CCDC148: variants seen among roughly 807,000 people sequenced by gnomAD.
The protein encoded by CCDC148 is coiled-coil domain containing 148.
Under a neutral mutation model 85.7 loss-of-function variants are expected in CCDC148, and 89 were observed. The observed-to-expected ratio is 1.04, with a 90% CI of 0.87 to 1.24. The LOEUF (loss-of-function observed/expected upper bound fraction) is 1.24. CCDC148 is among the 50% of genes most tolerant of loss of function. The pLI is 0.00. For synonymous variants in CCDC148, 230 were observed against 213.9 expected, an observed-to-expected ratio of 1.08 and a Z score of -0.66; for missense variants, 692 against 671.7, an observed-to-expected ratio of 1.03 and a Z score of -0.33.
At chr2:158,349,274 G>T (rs1489300655) in intron 2 of CCDC148, among the ~76,000 whole-genome samples, 1 of 151,890 alleles carries the variant, frequency 6.6e-6, no homozygotes, top group Admixed American at 6.6e-5. Context: ...GAAAAGTGCT[G>T]TAATAATTAA....
At chr2:158,400,230 A>C (rs186540291) in intron 1 of CCDC148, among the ~76,000 whole-genome samples, 34 of 152,274 alleles carry the variant, frequency 2.2e-4, no homozygotes, top group Admixed American at 1.2e-3. Flanking sequence ...TATGAAACCA[A>C]AAAAGAGCCC....
chr2:158,201,259 A>G (rs1685939814), intron 11 of CCDC148, among the ~76,000 whole-genome samples: 1 of 152,158 alleles, frequency 6.6e-6, no homozygotes, highest in Non-Finnish European at 1.5e-5. Flanking sequence ...TAATATTAAT[A>G]TGTCAATTTA....
At chr2:158,310,959 G>A (rs878877160) in intron 8 of CCDC148, among the ~76,000 whole-genome samples, 10 of 151,530 alleles carry the variant, frequency 6.6e-5, no homozygotes, top group East Asian at 2.0e-4. Context: ...ACAGTGTGGC[G>A]GCCGGGAAGA....
At chr2:158,210,267 C>A (rs1393514489) in intron 11 of CCDC148, among the ~76,000 whole-genome samples, 1 of 152,084 alleles carries the variant, frequency 6.6e-6, no homozygotes, top group African/African-American at 2.4e-5. Context: ...GCGAGCTATC[C>A]TAAATATATA....
At chr2:158,294,035 T>C (rs1574565395) in intron 9 of CCDC148, among the ~76,000 whole-genome samples, 1 of 100,478 alleles carries the variant, frequency 1.0e-5, no homozygotes, top group Non-Finnish European at 1.9e-5. Context: ...CTTCCTTCCT[T>C]CCTTCCTTCC....
In CCDC148 at chr2:158,172,183, T is replaced by C. The variant is rs764790714; in HGVS notation, c.1706A>G (p.Glu569Gly). Reference sequence around the variant, plus strand: ...TTGAGGACTAATTTTTGGTAATATCTCTTTAGCATAAAGTGTTCTATGAAG... The same window carrying C: ...TTGAGGACTAATTTTTGGTAATATCCCTTTAGCATAAAGTGTTCTATGAAG... ...AGLHRTLYAK[E>G]ILPKISPQKP... The change falls in exon 14 of 14, where the codon GAG (glutamate) becomes GGG (glycine). Residue 569 changes from glutamate to glycine, a missense_variant. Physicochemically the swap from Glu to Gly is moderately conservative, Grantham distance 98. Coordinates refer to ENST00000283233, the MANE Select transcript of CCDC148 (RefSeq NM_138803.4). 2.5e-6 allele frequency: 4 copies of C among 1,610,294 alleles called. No individual in the cohort carries two copies. Among genetic ancestry groups the C allele is most frequent in the Non-Finnish European group, 3.4e-6 (4 of 1,177,614 alleles).
chr2:158,220,230 C>T (rs1165920649), intron 11 of CCDC148, among the ~76,000 whole-genome samples: 2 of 152,172 alleles, frequency 1.3e-5, no homozygotes, highest in East Asian at 1.9e-4. Context: ...CCCCAGCCTC[C>T]GTCACAGTAA....
At chr2:158,286,072 C>A (rs1024721077) in intron 9 of CCDC148, among the ~76,000 whole-genome samples, 1 of 152,008 alleles carries the variant, frequency 6.6e-6, no homozygotes, top group Admixed American at 6.6e-5. Context: ...TATTAGAATT[C>A]ATAGTACTCA....
At position 158,340,362 on chromosome 2, in the gene CCDC148, A is replaced by G; in HGVS notation, c.366T>C (p.Tyr122=). 4 of 1,613,962 alleles carry G rather than the reference A, an allele frequency of 2.5e-6. No homozygotes were observed. The highest frequency in any genetic ancestry group is 3.3e-4 in the Middle Eastern group (2 of 6,056). ...EQELSEQQCT[Y]LKNVINPIQQ... ...GAATAGGATTTATTACATTTTTAAG[A>G]TATGTGCACTGTTGTTCTGATAGCT... Residue 122 remains tyrosine, a synonymous_variant, in exon 5 of 14, where the codon TAT becomes TAC. Transcript: ENST00000283233.
At chr2:158,334,118 G>T (rs1264294716) in intron 7 of CCDC148, among the ~76,000 whole-genome samples, 4 of 152,102 alleles carry the variant, frequency 2.6e-5, no homozygotes, top group African/African-American at 9.7e-5. Context: ...ACAAAAGTGT[G>T]GAGTGCCTCC....
chr2:158,430,526 A>C (rs1687300086), intron 1 of CCDC148, among the ~76,000 whole-genome samples: 1 of 152,204 alleles, frequency 6.6e-6, no homozygotes, highest in South Asian at 2.1e-4. Flanking sequence ...ACAATTAAAC[A>C]GAAGAAATAA....
chr2:158,182,642 A>C (rs1295226102), intron 11 of CCDC148, among the ~76,000 whole-genome samples: 1 of 152,132 alleles, frequency 6.6e-6, no homozygotes, highest in Admixed American at 6.6e-5. Flanking sequence ...AGTGATGATC[A>C]AGGTTACTCT....
intron 9 of CCDC148, among the ~76,000 whole-genome samples, chr2:158,293,078 T>C (rs1422035168): frequency 1.3e-5 from 2 of 152,196 alleles, no homozygotes; most frequent in Non-Finnish European, 2.9e-5. Context: ...TGTGCACATG[T>C]ACTCTAGAGC....
intron 1 of CCDC148, among the ~76,000 whole-genome samples, chr2:158,445,757 T>A (rs1343689075): frequency 6.6e-6 from 1 of 152,006 alleles, no homozygotes; most frequent in Non-Finnish European, 1.5e-5. Context: ...TGTAATCTTG[T>A]TCTAAATTAT....
intron 1 of CCDC148, among the ~76,000 whole-genome samples, chr2:158,395,055 T>C (rs1170033252): frequency 6.6e-6 from 1 of 152,118 alleles, no homozygotes; most frequent in Admixed American, 6.6e-5. Flanking sequence ...CTAAAGATAA[T>C]AGTTTTATTT....
intron 3 of CCDC148, among the ~76,000 whole-genome samples, chr2:158,344,510 G>T (rs1682896653): frequency 6.6e-6 from 1 of 152,084 alleles, no homozygotes; most frequent in African/African-American, 2.4e-5. Context: ...GCACATTTTA[G>T]AAGCACACTT....
intron 1 of CCDC148, among the ~76,000 whole-genome samples, chr2:158,360,520 C>A (rs1417418322): frequency 6.6e-6 from 1 of 152,134 alleles, no homozygotes. Context: ...ACTGGTGATA[C>A]CCAGGTAAAC....
chr2:158,417,750 A>G (rs1686568167), intron 1 of CCDC148, among the ~76,000 whole-genome samples: 2 of 152,100 alleles, frequency 1.3e-5, no homozygotes, highest in African/African-American at 2.4e-5. Flanking sequence ...TCCTTGGAGG[A>G]CCTGAAATGA....
intron 10 of CCDC148, among the ~76,000 whole-genome samples, chr2:158,226,804 C>A (rs1371591428): frequency 2.6e-5 from 4 of 152,056 alleles, no homozygotes; most frequent in African/African-American, 9.7e-5. Context: ...TGGGATGTAT[C>A]TCAAAATAAT....
Sources: allele counts gnomAD v4.1 joint callset (sites outside exome capture counted in the v4.1 genomes callset), GRCh38; gene constraint gnomAD v4.1.1; transcripts MANE v1.5; gene names NCBI Gene and HGNC (gene_info 2026-07-23, HGNC 2026-07-21).